ANO1: variants seen among roughly 807,000 people sequenced by gnomAD.
ANO1 encodes the protein anoctamin 1, also known as anoctamin-1.
Under a neutral mutation model 124.0 loss-of-function variants are expected in ANO1, and 59 were observed. That is an observed-to-expected ratio of 0.48 (90% CI 0.39 to 0.59). The LOEUF is 0.59. ANO1 is among the 20% of genes least tolerant of loss of function. The pLI is 0.00. For synonymous variants in ANO1, 529 were observed against 532.0 expected, an observed-to-expected ratio of 0.99 and a Z score of 0.08; for missense variants, 1,059 against 1,328.0, an observed-to-expected ratio of 0.80 and a Z score of 3.15.
chr11:70,085,766 C>G (rs2044349680), intron 1 of ANO1: 1 of 1,361,414 alleles, frequency 7.3e-7, no homozygotes, highest in African/African-American at 1.5e-5. Context: ...CCTTCCCTCC[C>G]CCTCTCCCCC....
chr11:70,155,886 C>T (rs1180526497), intron 14 of ANO1, 25 bp from the exon 15 acceptor site: 1 of 1,534,626 alleles, frequency 6.5e-7, no homozygotes, highest in Non-Finnish European at 8.8e-7. Flanking sequence ...CCGCACGGTG[C>T]TCTCTTTCCC....
At chr11:70,158,236 T>C (rs1245166739) in intron 16 of ANO1, among the ~76,000 whole-genome samples, 1 of 152,234 alleles carries the variant, frequency 6.6e-6, no homozygotes. Context: ...CAACCCCCAA[T>C]GGATTCGGCC....
chr11:70,146,244 A>G (rs76442884), intron 11 of ANO1, among the ~76,000 whole-genome samples: 9,725 of 152,290 alleles, frequency 0.064, 1,034 homozygotes, highest in African/African-American at 0.22. Context: ...CACAGCACTC[A>G]GGCCTCTGAA....
intron 1 of ANO1, among the ~76,000 whole-genome samples, chr11:69,997,564 C>T (rs1856295291): frequency 6.6e-6 from 1 of 152,160 alleles, no homozygotes; most frequent in Non-Finnish European, 1.5e-5. Flanking sequence ...GCCACAGGGC[C>T]TTTGCACAAG....
intron 1 of ANO1, among the ~76,000 whole-genome samples, chr11:69,993,290 G>A (rs1441745666): frequency 6.6e-6 from 1 of 152,190 alleles, no homozygotes; most frequent in Admixed American, 6.5e-5. Context: ...GGCCTCTGGT[G>A]TGTAATGATT....
chr11:70,061,502 C>G (rs1233259365), intron 1 of ANO1, among the ~76,000 whole-genome samples: 4 of 144,930 alleles, frequency 2.8e-5, no homozygotes, highest in African/African-American at 5.1e-5. Context: ...CTCTTTCTCT[C>G]TCTCTCCCCT....
intron 2 of ANO1, among the ~76,000 whole-genome samples, chr11:70,094,480 A>T (rs2509153): frequency 0.62 from 93,623 of 152,030 alleles, 31,044 homozygotes; most frequent in South Asian, 0.75. Flanking sequence ...TCTCGGGCCT[A>T]ATCCCAGCTC....
At chr11:70,180,854 G>A (rs569866372) in intron 23 of ANO1, among the ~76,000 whole-genome samples, 4 of 152,152 alleles carry the variant, frequency 2.6e-5, no homozygotes, top group Non-Finnish European at 5.9e-5. Flanking sequence ...CTGAAATGGG[G>A]CGAGAAGGGA....
At position 70,026,074 on chromosome 11, in the gene ANO1, G is replaced by GAT. The variant is rs1555003183; in HGVS notation, c.58+39908_58+39909insAT. 2.8e-4 allele frequency among the ~76,000 whole-genome samples: 39 copies of GAT among 141,648 alleles called. No individual in the cohort carries two copies. In the East Asian group the frequency reaches 4.6e-3, roughly 17 times the overall value. 92.9% of individuals were successfully genotyped at this position (141,648 alleles called of 152,430 possible). Reference sequence around the variant, plus strand: ...GTGGTGGTGATGATGATGTGGTGGTGGTGATGATGATGATGATGATGACGG... The same window carrying GAT: ...GTGGTGGTGATGATGATGTGGTGGTGATGTGATGATGATGATGATGATGACGG... On this transcript the variant is annotated intron_variant, in intron 1 of 27. Coordinates refer to the ANO1 transcript ENST00000531349.
At chr11:69,992,444 A>T (rs1856175009) in intron 1 of ANO1, among the ~76,000 whole-genome samples, 1 of 152,128 alleles carries the variant, frequency 6.6e-6, no homozygotes, top group Non-Finnish European at 1.5e-5. Context: ...AAACTGAGGA[A>T]CTCAAAGAGC....
intron 1 of ANO1, among the ~76,000 whole-genome samples, chr11:70,008,568 TTCTGGG>T (rs1296026035): frequency 1.3e-5 from 2 of 152,198 alleles, no homozygotes; most frequent in Non-Finnish European, 2.9e-5. Context: ...GAGGGTTTAT[TTCTGGG>T]CTCTCTGTTC....
intron 11 of ANO1, among the ~76,000 whole-genome samples, chr11:70,135,921 G>A (rs1245179736): frequency 6.6e-6 from 1 of 152,198 alleles, no homozygotes; most frequent in African/African-American, 2.4e-5. Context: ...TCTTCTGAGT[G>A]CCAGAGCATC....
the ANO1 span, among the ~76,000 whole-genome samples, chr11:69,968,442 C>T: frequency 1.3e-5 from 2 of 152,214 alleles, no homozygotes; most frequent in South Asian, 2.1e-4. Context: ...TGGAAAAGAA[C>T]GGATTTTTAT....
intron 11 of ANO1, among the ~76,000 whole-genome samples, chr11:70,141,298 T>TTTTTGC (rs2047145198): frequency 6.6e-6 from 1 of 152,200 alleles, no homozygotes; most frequent in Non-Finnish European, 1.5e-5. Context: ...ACTGCACACC[T>TTTTTGC]AGTGCCTTGC....
At chr11:70,108,820 C>T (rs1228856516) in intron 6 of ANO1, among the ~76,000 whole-genome samples, 4 of 152,164 alleles carry the variant, frequency 2.6e-5, no homozygotes, top group Non-Finnish European at 5.9e-5. Flanking sequence ...CACAGCTGGG[C>T]TTGCTGAAAG....
intron 10 of ANO1, among the ~76,000 whole-genome samples, 183 bp downstream of exon 10, chr11:70,126,378 A>T (rs982438249): frequency 1.1e-4 from 17 of 152,344 alleles, no homozygotes; most frequent in Admixed American, 8.5e-4. Flanking sequence ...GGAGTCTGGG[A>T]GTCCTTCTCA....
intron 1 of ANO1, among the ~76,000 whole-genome samples, chr11:70,058,464 T>G (rs1857491966): frequency 6.6e-6 from 1 of 152,196 alleles, no homozygotes; most frequent in Non-Finnish European, 1.5e-5. Context: ...CCTGAAGGAT[T>G]AATAAAGTTT....
rs7128059 is a variant in ANO1, at chr11:70,168,692, T to C, written c.2197+1305T>C. Reference sequence around the variant, plus strand: ...AAGGTCAACTTCTCTAAAATGCCCGTTCCCAGGCTTGTTCCTGGTCTGCTG... The same window carrying C: ...AAGGTCAACTTCTCTAAAATGCCCGCTCCCAGGCTTGTTCCTGGTCTGCTG... On this transcript the variant is annotated intron_variant, in intron 21 of 25. Transcript: ENST00000355303. Among the ~76,000 whole-genome samples, 1,241 of 152,260 alleles carry C rather than the reference T, an allele frequency of 8.2e-3. 22 individuals are homozygous for C. The highest frequency in any genetic ancestry group is 0.028 in the African/African-American group (1,179 of 41,548).
intron 24 of ANO1, 121 bp downstream of exon 24, chr11:70,182,807 A>G (rs1298059580): frequency 2.0e-6 from 2 of 992,404 alleles, no homozygotes; most frequent in African/African-American, 3.4e-5. Flanking sequence ...GCTTAAAAAG[A>G]AGAAGAAGGA....
Sources: allele counts gnomAD v4.1 joint callset (sites outside exome capture counted in the v4.1 genomes callset), GRCh38; gene constraint gnomAD v4.1.1; transcripts MANE v1.5; gene names NCBI Gene and HGNC (gene_info 2026-07-23, HGNC 2026-07-21).